Variants in PPP1R13B observed in about 807,000 individuals in gnomAD.
The protein encoded by PPP1R13B is apoptosis-stimulating of p53 protein 1.
PPP1R13B carries 44 observed loss-of-function variants against 119.8 expected under a neutral mutation model. That is an observed-to-expected ratio of 0.37 (90% CI 0.29 to 0.47). The LOEUF (loss-of-function observed/expected upper bound fraction) is 0.47. PPP1R13B is among the 20% of genes least tolerant of loss of function. PPP1R13B has a pLI of 0.99. For synonymous variants in PPP1R13B, 542 were observed against 561.5 expected (o/e 0.97, Z 0.49); for missense variants, 1,227 against 1,413.5 (o/e 0.87, Z 2.12).
chr14:103,775,726 G>C (rs1231342501), intron 4 of PPP1R13B, among the ~76,000 whole-genome samples: 1 of 152,170 alleles, frequency 6.6e-6, no homozygotes, highest in Non-Finnish European at 1.5e-5. Context: ...CAGATTTACT[G>C]AATGAAAATT....
At chr14:103,791,270 C>T (rs1445642366) in intron 2 of PPP1R13B, among the ~76,000 whole-genome samples, 1 of 152,092 alleles carries the variant, frequency 6.6e-6, no homozygotes, top group Admixed American at 6.6e-5. Context: ...CAGGCGCAAA[C>T]AATCACGCCT....
At chr14:103,739,067 G>A (rs367998987) in intron 12 of PPP1R13B, 44 bp from the exon 13 acceptor site, 1 of 1,584,250 alleles carries the variant, frequency 6.3e-7, no homozygotes, top group Non-Finnish European at 8.6e-7. Flanking sequence ...GTGGTCCACT[G>A]AAGTCTAAGA....
At chr14:103,809,506 C>T (rs997190848) in intron 1 of PPP1R13B, among the ~76,000 whole-genome samples, 3 of 152,078 alleles carry the variant, frequency 2.0e-5, no homozygotes, top group Admixed American at 6.5e-5. Flanking sequence ...CACATTTATT[C>T]TATCCACTAA....
chr14:103,737,054 A>G (rs985217066), intron 15 of PPP1R13B: 1 of 152,044 alleles, frequency 6.6e-6, no homozygotes, highest in Non-Finnish European at 1.5e-5. Context: ...GCCCCAGGCC[A>G]CCCCAGGAAA....
chr14:103,739,863 T>C lies in PPP1R13B; in HGVS notation c.2553A>G (p.Ala851=). 1.2e-6 allele frequency: 2 copies of C among 1,612,808 alleles called. No homozygotes were observed. The highest frequency in any genetic ancestry group is 1.7e-6 in the Non-Finnish European group (2 of 1,179,648). The part of the protein sequence containing the change: ...PSPGEEQVPP[A]PLPPASHPPA... ...GAGGGTGGCTGGCAGGGGGAAGAGG[T>C]GCTGGAGGGACCTGCTCTTCCCCTG... The change falls in exon 12 of 17, where the codon GCA becomes GCG. Residue 851 remains alanine (A), a synonymous_variant. Coordinates refer to ENST00000202556, the MANE Select transcript of PPP1R13B (RefSeq NM_015316.3).
In PPP1R13B at chr14:103,739,015, C is replaced by A. The variant is rs201852346; in HGVS notation, c.2601G>T (p.Arg867=). ...SHPPATSTNK[R]TNLKKPNSER... The stretch of plus-strand genomic sequence containing the variant: ...CCGAGTTGGGCTTCTTCAAGTTGGT[C>A]CGCTTGTTCTGTTGGGAAGGAAGCA... Residue 867 remains arginine (R), a synonymous_variant, in exon 13 of 17, where the codon CGG becomes CGT. Transcript: ENST00000202556. 330 of 1,613,320 alleles carry A rather than the reference C, an allele frequency of 2.0e-4. No homozygotes were observed. Among genetic ancestry groups the A allele is most frequent in the Admixed American group, 2.5e-4 (15 of 59,934 alleles).
intron 4 of PPP1R13B, among the ~76,000 whole-genome samples, chr14:103,777,517 G>A (rs1273626742): frequency 6.6e-6 from 1 of 152,082 alleles, no homozygotes; most frequent in Non-Finnish European, 1.5e-5. Flanking sequence ...TAGCCCATCT[G>A]CCGCCACAGA....
At chr14:103,825,490 C>T (rs539362775) in intron 1 of PPP1R13B, among the ~76,000 whole-genome samples, 2 of 152,284 alleles carry the variant, frequency 1.3e-5, no homozygotes, top group South Asian at 2.1e-4. Context: ...CCAGTGAACA[C>T]ACAAATGATA....
chr14:103,759,686 T>G (rs761504707), intron 4 of PPP1R13B, among the ~76,000 whole-genome samples: 3 of 150,772 alleles, frequency 2.0e-5, no homozygotes, highest in Non-Finnish European at 4.4e-5. Context: ...TTTCACAACT[T>G]GAAGAAAAAA....
chr14:103,843,138 G>A (rs564878311), intron 1 of PPP1R13B, among the ~76,000 whole-genome samples: 1 of 152,226 alleles, frequency 6.6e-6, no homozygotes, highest in South Asian at 2.1e-4. Context: ...TTGGGAAGTT[G>A]AGGTGGGCAG....
intron 7 of PPP1R13B, 72 bp from the exon 8 acceptor site, chr14:103,750,006 AAAAAAG>A (rs1183762776): frequency 6.6e-6 from 10 of 1,525,070 alleles, no homozygotes; most frequent in Middle Eastern, 1.7e-4. Context: ...CAGGGAGATT[AAAAAAG>A]AAAAAGTAGC....
intron 5 of PPP1R13B, among the ~76,000 whole-genome samples, chr14:103,756,246 C>T (rs1039155924): frequency 1.3e-5 from 2 of 152,142 alleles, no homozygotes; most frequent in Non-Finnish European, 2.9e-5. Context: ...TTAGCCACTA[C>T]ATCTGGCTAA....
intron 4 of PPP1R13B, chr14:103,762,697 C>T (rs562961980): frequency 8.7e-6 from 5 of 575,822 alleles, no homozygotes; most frequent in African/African-American, 3.8e-5. Flanking sequence ...AGCAAGAGAA[C>T]GACTCAGTCC....
chr14:103,820,443 G>A (rs1198928751), intron 1 of PPP1R13B, among the ~76,000 whole-genome samples: 1 of 117,870 alleles, frequency 8.5e-6, no homozygotes, highest in Non-Finnish European at 1.8e-5. Context: ...ACAAGGACCC[G>A]TATTTTTGAC....
chr14:103,786,187 T>C (rs1234409029), intron 2 of PPP1R13B, among the ~76,000 whole-genome samples: 1 of 152,064 alleles, frequency 6.6e-6, no homozygotes, highest in Non-Finnish European at 1.5e-5. Context: ...ACTATAGGCA[T>C]ATGCCACCAT....
chr14:103,767,675 C>T (rs921071822), intron 4 of PPP1R13B, among the ~76,000 whole-genome samples: 1 of 152,010 alleles, frequency 6.6e-6, no homozygotes, highest in Non-Finnish European at 1.5e-5. Context: ...CTCTTGCTCT[C>T]GCTCTCCTCC....
chr14:103,778,893 G>A, intron 3 of PPP1R13B, 72 bp from the exon 4 acceptor site: 2 of 1,170,174 alleles, frequency 1.7e-6, no homozygotes, highest in Non-Finnish European at 2.5e-6. Flanking sequence ...ATTTCTTCAT[G>A]TATTCAAATA....
chr14:103,803,665 A>C (rs1429277669), intron 1 of PPP1R13B, among the ~76,000 whole-genome samples: 2 of 147,498 alleles, frequency 1.4e-5, no homozygotes, highest in African/African-American at 4.9e-5. Flanking sequence ...ATAAATAAAT[A>C]ATTAATTAAT....
At position 103,740,141 on chromosome 14, in the gene PPP1R13B, C is replaced by T. The variant is rs1187606495; in HGVS notation, c.2275G>A (p.Asp759Asn). ...CCATTGGCATTGGTGTTTCCATTGT[C>T]CACATCGGCCAAGGTGCCCATGAAG... ...QDFMGTLADV[D>N]NGNTNANGNL... is the part of the protein sequence containing the mutation. The change falls in exon 12 of 17, where the codon GAC becomes AAC. Residue 759 changes from aspartate to asparagine, a missense_variant. Asp to Asn is a conservative substitution (Grantham distance 23). Coordinates refer to ENST00000202556, the MANE Select transcript of PPP1R13B (RefSeq NM_015316.3). The surrounding 1 kb of genome is among the most constrained non-coding windows in gnomAD (Gnocchi z 4.6). 2 of 1,613,408 alleles carry T rather than the reference C, an allele frequency of 1.2e-6. No individual in the cohort carries two copies. Among genetic ancestry groups the T allele is most frequent in the African/African-American group, 2.7e-5 (2 of 74,888 alleles).
Sources: allele counts gnomAD v4.1 joint callset (sites outside exome capture counted in the v4.1 genomes callset), GRCh38; gene constraint gnomAD v4.1.1; non-coding constraint Gnocchi (gnomAD v3.1); transcripts MANE v1.5; gene names NCBI Gene and HGNC (gene_info 2026-07-23, HGNC 2026-07-21).